MCF2L: variants seen among roughly 807,000 people sequenced by gnomAD.
The protein encoded by MCF2L is MCF.2 cell line derived transforming sequence like.
A neutral mutation model predicts 153.4 loss-of-function variants in MCF2L; 97 were observed. The ratio of observed to expected loss-of-function variants is 0.63; its 90% confidence interval spans 0.54 to 0.75. The LOEUF is 0.75. Ranked by LOEUF, MCF2L falls within the 30% of genes least tolerant of loss-of-function variation. The pLI is 0.00. For missense variants in MCF2L, 1,347 were observed against 1,495.2 expected, an observed-to-expected ratio of 0.90 and a Z score of 1.64; for synonymous variants, 659 against 632.2, an observed-to-expected ratio of 1.04 and a Z score of -0.64.
At chr13:113,029,502 C>T (rs2085510483) in intron 3 of MCF2L, among the ~76,000 whole-genome samples, 1 of 152,234 alleles carries the variant, frequency 6.6e-6, no homozygotes, top group African/African-American at 2.4e-5. Flanking sequence ...GCAGGTGCAG[C>T]TTGGCAGAGG....
intron 26 of MCF2L, chr13:113,090,671 C>G (rs1272075209): frequency 1.0e-5 from 10 of 985,388 alleles, no homozygotes; most frequent in Non-Finnish European, 1.2e-5. Context: ...CCAGGAGGCC[C>G]TGGAAGCCGG....
At chr13:112,990,526 T>C (rs1335061925) in intron 1 of MCF2L, among the ~76,000 whole-genome samples, 1 of 152,238 alleles carries the variant, frequency 6.6e-6, no homozygotes, top group Non-Finnish European at 1.5e-5. Context: ...CACAGTTTCC[T>C]TCAGAATCAC....
At chr13:112,980,731 C>T (rs1361938135) in intron 1 of MCF2L, among the ~76,000 whole-genome samples, 2 of 132,812 alleles carry the variant, frequency 1.5e-5, no homozygotes, top group South Asian at 2.6e-4. Flanking sequence ...GTCAGCTGAG[C>T]GTGCACCGTG....
intron 2 of MCF2L, among the ~76,000 whole-genome samples, chr13:112,912,934 T>A (rs565293665): frequency 2.0e-5 from 3 of 150,132 alleles, no homozygotes; most frequent in Non-Finnish European, 4.5e-5. Flanking sequence ...TGTGTCTGTA[T>A]GATTGTGTGT....
intron 2 of MCF2L, among the ~76,000 whole-genome samples, chr13:112,912,509 G>T (rs900644632): frequency 1.1e-4 from 17 of 151,990 alleles, no homozygotes; most frequent in Admixed American, 4.6e-4. Context: ...TAGAGACGGG[G>T]TTTCACCATG....
intron 17 of MCF2L, among the ~76,000 whole-genome samples, chr13:113,083,514 A>T (rs1183384827): frequency 1.3e-5 from 2 of 152,126 alleles, no homozygotes; most frequent in African/African-American, 4.8e-5. Context: ...TCATGCCCCA[A>T]ATCCATCCCC....
chr13:112,963,690 A>C (rs1056419857), intron 2 of MCF2L, among the ~76,000 whole-genome samples: 13 of 152,136 alleles, frequency 8.5e-5, no homozygotes, highest in Non-Finnish European at 1.8e-4. Flanking sequence ...CCTCATGTGG[A>C]GGTAGGGCCG....
At chr13:112,938,196 G>A (rs2081540874) in intron 2 of MCF2L, among the ~76,000 whole-genome samples, 1 of 134,336 alleles carries the variant, frequency 7.4e-6, no homozygotes, top group Admixed American at 7.4e-5. Context: ...TGAGGGGTTG[G>A]TTCAGGTGAG....
At chr13:112,924,501 G>A (rs188273043) in intron 2 of MCF2L, among the ~76,000 whole-genome samples, 4 of 152,232 alleles carry the variant, frequency 2.6e-5, no homozygotes, top group East Asian at 3.9e-4. Flanking sequence ...AATATTTATA[G>A]TAGCAAAAAT....
chr13:112,981,384 G>C (rs2082419545), intron 1 of MCF2L, among the ~76,000 whole-genome samples: 1 of 152,226 alleles, frequency 6.6e-6, no homozygotes, highest in South Asian at 2.1e-4. Context: ...GACGCGATGA[G>C]AGTGTCATCC....
intron 5 of MCF2L, among the ~76,000 whole-genome samples, chr13:113,061,623 C>A (rs2031421235): frequency 6.7e-6 from 1 of 149,740 alleles, no homozygotes; most frequent in Non-Finnish European, 1.5e-5. Flanking sequence ...GCCAAAGGTG[C>A]AAGAGCCCTT....
At chr13:113,073,923 A>G (rs2033169643) in intron 9 of MCF2L, among the ~76,000 whole-genome samples, 1 of 152,154 alleles carries the variant, frequency 6.6e-6, no homozygotes, top group African/African-American at 2.4e-5. Context: ...CTCAAAAAAA[A>G]AAAATTAAAA....
intron 2 of MCF2L, among the ~76,000 whole-genome samples, chr13:112,911,568 G>A (rs1352280994): frequency 1.3e-5 from 2 of 152,190 alleles, no homozygotes; most frequent in Admixed American, 6.5e-5. Flanking sequence ...CAGAGACCTG[G>A]GCCCCGGGCC....
At chr13:113,020,850 T>C (rs1384997157) in intron 2 of MCF2L, among the ~76,000 whole-genome samples, 2 of 151,586 alleles carry the variant, frequency 1.3e-5, no homozygotes, top group Non-Finnish European at 2.9e-5. Context: ...TATGTTTGCA[T>C]GTATGTGTAG....
At position 113,000,815 on chromosome 13, in the gene MCF2L, G is replaced by A. The variant is rs546268490; in HGVS notation, c.80-13948G>A. 3.9e-5 allele frequency among the ~76,000 whole-genome samples: 6 copies of A among 152,346 alleles called. No homozygotes were observed. The South Asian group carries it at 1.0e-3, about 26-fold the overall frequency. ...GTAAGGCTCTGCGGAGAAAGGCGCCGGAAGAGGCCGGGGCCAGCAGGGACA... is the reference window on the plus strand; with the variant it reads ...GTAAGGCTCTGCGGAGAAAGGCGCCAGAAGAGGCCGGGGCCAGCAGGGACA... On this transcript the variant is annotated intron_variant, in intron 1 of 29. Coordinates refer to ENST00000535094, the MANE Select transcript of MCF2L (RefSeq NM_001112732.3).
Position 113,096,475 on chromosome 13 carries a change from G to T in MCF2L, c.3180G>T (p.Glu1060Asp). Residue 1060 changes from glutamate (E) to aspartate (D), a missense_variant, in exon 28 of 30, where the codon GAG (glutamate) becomes GAT (aspartate). By Grantham distance (45) the Glu-to-Asp change is conservative. Transcript: ENST00000535094. ...TGGAGCTGGTGCAGGAGGGCGACGA[G>T]GGCCTCTGGTAAGACCCCGCGCTCA... is the stretch of plus-strand genomic sequence containing the variant. ...DVVELVQEGD[E>D]GLWYVRDPTT... 1 of 1,588,332 alleles carries T rather than the reference G, an allele frequency of 6.3e-7. No homozygotes were observed.
At chr13:113,030,415 G>A (rs1198151187) in intron 3 of MCF2L, among the ~76,000 whole-genome samples, 1,087 of 142,072 alleles carry the variant, frequency 7.7e-3, no homozygotes, top group African/African-American at 0.012. Flanking sequence ...GTGGGCCCTC[G>A]GGTGTCCGCC....
chr13:112,942,794 G>A (rs1299447747), intron 2 of MCF2L, among the ~76,000 whole-genome samples: 2 of 152,174 alleles, frequency 1.3e-5, no homozygotes, highest in Non-Finnish European at 2.9e-5. Flanking sequence ...ATGTGGTTCT[G>A]CTCCCCTATT....
Position 113,012,015 on chromosome 13 carries a change from G to A in MCF2L, c.80-2748G>A, listed in dbSNP as rs570495832. 8.2e-4 allele frequency among the ~76,000 whole-genome samples: 94 copies of A among 114,242 alleles called. 7 individuals are homozygous for A. The highest frequency in any genetic ancestry group is 1.4e-3 in the Admixed American group (16 of 11,568). The allele number at this position is 114,242 out of a possible 152,430, so 74.9% of individuals were successfully genotyped here. A position where few individuals can be genotyped will look rare whatever the true frequency, so the allele number is the denominator to read the frequency against. On this transcript the variant is annotated intron_variant, in intron 1 of 29. Coordinates refer to ENST00000535094, the MANE Select transcript of MCF2L (RefSeq NM_001112732.3). ...CTGCGATGAGGACGGTGGACACTGC[G>A]ATGAGGACAGTGGACAGGTGGTGTG...
Sources: allele counts gnomAD v4.1 joint callset (sites outside exome capture counted in the v4.1 genomes callset), GRCh38; gene constraint gnomAD v4.1.1; transcripts MANE v1.5; gene names NCBI Gene and HGNC (gene_info 2026-07-23, HGNC 2026-07-21).